Variants in AATF observed in about 807,000 individuals in gnomAD.
AATF encodes apoptosis antagonizing transcription factor, also known as protein AATF.
AATF carries 48 observed loss-of-function variants against 63.7 expected under a neutral mutation model. That is an observed-to-expected ratio of 0.75 (90% CI 0.60 to 0.96). AATF has a LOEUF of 0.96. Ranked by LOEUF, AATF falls within the 40% of genes least tolerant of loss-of-function variation. The pLI, the probability that AATF is intolerant of heterozygous loss-of-function variation, is 0.00. For missense variants in AATF, 639 were observed against 685.7 expected, an observed-to-expected ratio of 0.93 and a Z score of 0.76; for synonymous variants, 258 against 247.7, an observed-to-expected ratio of 1.04 and a Z score of -0.39.
intron 10 of AATF, among the ~76,000 whole-genome samples, chr17:37,025,531 T>C (rs2071504977): frequency 6.6e-6 from 1 of 152,156 alleles, no homozygotes; most frequent in African/African-American, 2.4e-5. Context: ...CAGCGATGAA[T>C]ACAGGACAGT....
chr17:36,958,280 T>C (rs2070918506), intron 4 of AATF, among the ~76,000 whole-genome samples: 1 of 152,060 alleles, frequency 6.6e-6, no homozygotes, highest in Non-Finnish European at 1.5e-5. Context: ...CTCCTGTCTC[T>C]GCCTCCTGGG....
At chr17:37,054,198 C>T (rs1237910851) in intron 11 of AATF, among the ~76,000 whole-genome samples, 3 of 135,900 alleles carry the variant, frequency 2.2e-5, no homozygotes, top group Non-Finnish European at 3.2e-5. Context: ...GCGTGTGGGG[C>T]GGGGATCTTC....
rs2071195778 is a variant in AATF at position 36,989,373 on chromosome 17, G to A, written c.1276G>A (p.Ala426Thr). 3 of 1,613,840 alleles carry A rather than the reference G, an allele frequency of 1.9e-6. No individual in the cohort carries two copies. In the East Asian group the frequency reaches 6.7e-5, roughly 36 times the overall value. Residue 426 changes from alanine (A) to threonine (T), a missense_variant, in exon 7 of 12, where the codon GCA (alanine) becomes ACA (threonine). By Grantham distance (58) the Ala-to-Thr change is moderately conservative (BLOSUM62 0). Transcript: ENST00000619387. ...VYRVLGKPEP[A>T]AQPVPESLPG... is the part of the protein sequence containing the mutation. Reference sequence around the variant, plus strand: ...TCGAGTTCTTGGCAAACCTGAGCCAGCAGCTCAGCCTGTCCCAGAGAGTTT... The same window carrying A: ...TCGAGTTCTTGGCAAACCTGAGCCAACAGCTCAGCCTGTCCCAGAGAGTTT...
At chr17:36,961,767 C>T (rs766500329) in intron 4 of AATF, among the ~76,000 whole-genome samples, 1 of 151,954 alleles carries the variant, frequency 6.6e-6, no homozygotes, top group South Asian at 2.1e-4. Flanking sequence ...TCTGCCCCGC[C>T]GGGTTTAAGC....
In AATF at chr17:36,988,845, T is replaced by C. The variant is rs551944954; in HGVS notation, c.1149+125T>C. 463 of 970,450 alleles carry C rather than the reference T, an allele frequency of 4.8e-4. 7 individuals carry two copies. The East Asian group carries it at 0.012, about 25-fold the overall frequency. The allele number at this position is 970,450 out of a possible 1,614,324, so 60.1% of individuals were successfully genotyped here. On this transcript the variant is annotated intron_variant, in intron 6 of 11. Transcript: ENST00000619387. ...CACGATGTAATGGTAATCATTCATT[T>C]CTATAGCAAAATCTACTGAACTTCT...
chr17:37,047,583 T>C (rs2071704092), intron 11 of AATF, among the ~76,000 whole-genome samples: 2 of 152,214 alleles, frequency 1.3e-5, no homozygotes, highest in Admixed American at 1.3e-4. Flanking sequence ...ATCTTGAGTC[T>C]GTCTGATCTT....
intron 8 of AATF, among the ~76,000 whole-genome samples, chr17:37,018,278 G>A: frequency 6.6e-6 from 1 of 152,200 alleles, no homozygotes; most frequent in East Asian, 1.9e-4. Flanking sequence ...GGGTGCAGAG[G>A]AGTCAGGCTT....
At chr17:36,988,008 T>TAAA (rs1163621824) in intron 5 of AATF, among the ~76,000 whole-genome samples, 1 of 152,246 alleles carries the variant, frequency 6.6e-6, no homozygotes, top group Non-Finnish European at 1.5e-5. Context: ...GTTCTTTTTA[T>TAAA]ATTTGTTTTA....
intron 4 of AATF, among the ~76,000 whole-genome samples, chr17:36,968,233 A>G (rs376626923): frequency 5.1e-5 from 2 of 39,106 alleles, no homozygotes; most frequent in Admixed American, 4.6e-4. Flanking sequence ...ATTTTCTTCT[A>G]TTTTTTTCTT....
At chr17:36,961,020 C>T (rs2070942825) in intron 4 of AATF, among the ~76,000 whole-genome samples, 1 of 152,114 alleles carries the variant, frequency 6.6e-6, no homozygotes, top group South Asian at 2.1e-4. Flanking sequence ...AATATCCTTC[C>T]AGACCTTTTC....
At position 36,953,092 on chromosome 17, in the gene AATF, ATGGATGACCT is replaced by A; in HGVS notation, c.494_503del (p.Asp165GlyfsTer42). 2 of 1,614,178 alleles carry A rather than the reference ATGGATGACCT, an allele frequency of 1.2e-6. No individual in the cohort carries two copies. The highest frequency in any genetic ancestry group is 1.7e-6 in the Non-Finnish European group (2 of 1,180,032). On this transcript the variant is annotated frameshift_variant, in exon 3 of 12. Transcript: ENST00000619387. LOFTEE classifies it high-confidence loss of function. ...TGACTTTGAGAAATTTACCAAGGGA[ATGGATGACCT>A]TGGGAGCAGTGAGGAGGAGGAAGAC...
intron 8 of AATF, 80 bp downstream of exon 8, chr17:36,990,937 T>C: frequency 9.4e-7 from 1 of 1,063,756 alleles, no homozygotes; most frequent in Non-Finnish European, 1.3e-6. Context: ...AACAAAGAAG[T>C]TGCTTATTTT....
chr17:37,031,192 T>C (rs1352361954), intron 10 of AATF, among the ~76,000 whole-genome samples: 1 of 151,172 alleles, frequency 6.6e-6, no homozygotes, highest in African/African-American at 2.5e-5. Context: ...GGAATGTCTG[T>C]ACCTGTGAAC....
chr17:37,007,281 G>C (rs550685658), intron 8 of AATF, among the ~76,000 whole-genome samples: 1 of 151,588 alleles, frequency 6.6e-6, no homozygotes, highest in South Asian at 2.1e-4. Context: ...TCACACTGCT[G>C]TGTTCAAGCT....
intron 11 of AATF, among the ~76,000 whole-genome samples, chr17:37,037,313 C>G (rs2071601617): frequency 6.6e-6 from 1 of 152,168 alleles, no homozygotes. Context: ...CCATACCTGG[C>G]TGACAGCGTC....
At chr17:37,022,074 G>A (rs1459945265) in intron 10 of AATF, among the ~76,000 whole-genome samples, 1 of 151,906 alleles carries the variant, frequency 6.6e-6, no homozygotes, top group Non-Finnish European at 1.5e-5. Flanking sequence ...GAGCAAGAGT[G>A]GAAATTGACC....
At chr17:37,044,717 G>A (rs2071674679) in intron 11 of AATF, among the ~76,000 whole-genome samples, 1 of 152,162 alleles carries the variant, frequency 6.6e-6, no homozygotes, top group Non-Finnish European at 1.5e-5. Flanking sequence ...CTTGGATTTG[G>A]AAATATTTGT....
chr17:37,044,558 A>G (rs1047889661), intron 11 of AATF, among the ~76,000 whole-genome samples: 14 of 152,284 alleles, frequency 9.2e-5, no homozygotes, highest in Admixed American at 5.9e-4. Context: ...ACTATATACT[A>G]TAGGTTTCTC....
intron 4 of AATF, among the ~76,000 whole-genome samples, chr17:36,966,318 G>A (rs1277006834): frequency 6.6e-6 from 1 of 151,954 alleles, no homozygotes; most frequent in Non-Finnish European, 1.5e-5. Context: ...AGGCTGGAGT[G>A]TAGTGATGTG....
Sources: allele counts gnomAD v4.1 joint callset (sites outside exome capture counted in the v4.1 genomes callset), GRCh38; gene constraint gnomAD v4.1.1; transcripts MANE v1.5; gene names NCBI Gene and HGNC (gene_info 2026-07-23, HGNC 2026-07-21).